The following RIMS1 variants were observed in gnomAD, a reference collection of about 807,000 sequenced individuals.
RIMS1 encodes regulating synaptic membrane exocytosis protein 1.
A neutral mutation model predicts 214.1 loss-of-function variants in RIMS1; 83 were observed. That is an observed-to-expected ratio of 0.39 (90% CI 0.32 to 0.47). RIMS1 has a LOEUF of 0.47. RIMS1 is among the 20% of genes least tolerant of loss of function. The pLI, the probability that RIMS1 is intolerant of heterozygous loss-of-function variation, is 0.99. For synonymous variants in RIMS1, 793 were observed against 786.8 expected (o/e 1.01, Z -0.13); for missense variants, 2,050 against 2,161.8 (o/e 0.95, Z 1.03).
chr6:72,200,171 G>C (rs529732951), intron 6 of RIMS1, among the ~76,000 whole-genome samples: 1 of 152,118 alleles, frequency 6.6e-6, no homozygotes, highest in Non-Finnish European at 1.5e-5. Context: ...TCAAAGAGCA[G>C]TGGGTTCACA....
chr6:72,227,994 G>A (rs1017121485), intron 6 of RIMS1, among the ~76,000 whole-genome samples: 1 of 151,710 alleles, frequency 6.6e-6, no homozygotes, highest in Non-Finnish European at 1.5e-5. Flanking sequence ...ACTTCACTGA[G>A]GTATATTTGA....
chr6:72,169,976 C>T (rs1009015195), intron 4 of RIMS1, among the ~76,000 whole-genome samples: 1 of 152,138 alleles, frequency 6.6e-6, no homozygotes, highest in Non-Finnish European at 1.5e-5. Flanking sequence ...CATTACTCAT[C>T]ATAAAAGTCA....
At chr6:71,974,482 G>A (rs1485146932) in intron 2 of RIMS1, among the ~76,000 whole-genome samples, 2 of 152,020 alleles carry the variant, frequency 1.3e-5, no homozygotes, top group Admixed American at 6.6e-5. Context: ...AATCTTTTTT[G>A]TGTGTTTTTC....
intron 1 of RIMS1, among the ~76,000 whole-genome samples, chr6:71,920,783 T>A (rs1779743506): frequency 1.3e-5 from 2 of 152,210 alleles, no homozygotes; most frequent in African/African-American, 4.8e-5. Context: ...CAGTTCTGCT[T>A]TTGTATTTGG....
At chr6:72,143,761 CTAAACA>C (rs1234332232) in intron 4 of RIMS1, among the ~76,000 whole-genome samples, 1 of 152,190 alleles carries the variant, frequency 6.6e-6, no homozygotes, top group African/African-American at 2.4e-5. Flanking sequence ...CAATTAATTT[CTAAACA>C]TACTTAATAG....
At chr6:72,317,502 A>G (rs889152353) in intron 28 of RIMS1, 1 of 165,614 alleles carries the variant, frequency 6.0e-6, no homozygotes, top group Non-Finnish European at 1.3e-5. Context: ...GGATTTTAAA[A>G]CAATATAGAT....
intron 28 of RIMS1, among the ~76,000 whole-genome samples, chr6:72,321,735 A>T (rs749848318): frequency 4.6e-5 from 7 of 152,050 alleles, no homozygotes; most frequent in Non-Finnish European, 8.8e-5. Flanking sequence ...CTATTTATAT[A>T]CTGCAGGCCT....
intron 28 of RIMS1, among the ~76,000 whole-genome samples, chr6:72,320,579 T>C (rs895449507): frequency 2.0e-5 from 3 of 152,060 alleles, no homozygotes; most frequent in African/African-American, 4.8e-5. Flanking sequence ...ATGCAATGTA[T>C]AGTGAAACTT....
intron 6 of RIMS1, among the ~76,000 whole-genome samples, chr6:72,221,628 A>T (rs1247327448): frequency 6.6e-6 from 1 of 152,066 alleles, no homozygotes; most frequent in Non-Finnish European, 1.5e-5. Flanking sequence ...CCAGTTAAAA[A>T]GAAACTGAGG....
chr6:72,274,611 G>A (rs1265820768), intron 23 of RIMS1, among the ~76,000 whole-genome samples, 179 bp downstream of exon 23: 1 of 152,202 alleles, frequency 6.6e-6, no homozygotes, highest in Non-Finnish European at 1.5e-5. Flanking sequence ...AATGAGGATA[G>A]CATACAAATG....
intron 29 of RIMS1, among the ~76,000 whole-genome samples, chr6:72,373,532 G>A (rs1157942404): frequency 6.6e-6 from 1 of 152,196 alleles, no homozygotes; most frequent in African/African-American, 2.4e-5. Flanking sequence ...TTAGGACAAT[G>A]CCTTGAGAGT....
Position 72,179,654 on chromosome 6 carries a change from C to G in RIMS1, c.551C>G (p.Pro184Arg), listed in dbSNP as rs1282027357. 6.2e-7 allele frequency: 1 copy of G among 1,613,782 alleles called. No individual in the cohort carries two copies. The highest frequency in any genetic ancestry group is 2.2e-5 in the East Asian group (1 of 44,892). ...GGGGCATGGTTCTTTGGAAGTGGCC[C>G]TCAGCAGACAAGTCAGGATGGAACC... is the stretch of plus-strand genomic sequence containing the variant. ...KSGAWFFGSG[P>R]QQTSQDGTLS... is the part of the protein sequence containing the mutation. The change falls in exon 5 of 34, where the codon CCT becomes CGT. Residue 184 changes from proline to arginine, a missense_variant. Pro to Arg is a moderately radical substitution (Grantham distance 103, BLOSUM62 -2). Coordinates refer to ENST00000521978, the MANE Select transcript of RIMS1 (RefSeq NM_014989.7).
At chr6:72,166,300 GT>G (rs148899087) in intron 4 of RIMS1, among the ~76,000 whole-genome samples, 77 of 143,246 alleles carry the variant, frequency 5.4e-4, no homozygotes, top group Middle Eastern at 3.5e-3. Context: ...CTTGGTGTCT[GT>G]TTTTTTTTTT....
At position 72,291,920 on chromosome 6, in the gene RIMS1, C is replaced by G. The variant is rs954207202; in HGVS notation, c.3738-14C>G. The G allele has an allele frequency of 6.5e-7, 1 of 1,544,690 alleles. No individual in the cohort carries two copies. The highest frequency in any genetic ancestry group is 2.4e-5 in the East Asian group (1 of 40,984). On this transcript the variant is annotated splice_polypyrimidine_tract_variant and intron_variant, in intron 25 of 33. Coordinates refer to ENST00000521978, the MANE Select transcript of RIMS1 (RefSeq NM_014989.7). ...ATTTCATTGTTTCATGCCCGCTTTG[C>G]TTTTTGCCTGCAGAATGCACCGACA...
intron 4 of RIMS1, among the ~76,000 whole-genome samples, chr6:72,147,405 A>G (rs1053660649): frequency 2.0e-5 from 3 of 152,206 alleles, no homozygotes; most frequent in African/African-American, 4.8e-5. Flanking sequence ...CTAGGAAAGC[A>G]TGTGGTTTCT....
intron 2 of RIMS1, among the ~76,000 whole-genome samples, chr6:72,026,772 T>A (rs375732796): frequency 2.9e-4 from 44 of 152,282 alleles, no homozygotes; most frequent in Middle Eastern, 3.4e-3. Context: ...GTAGTGGCAC[T>A]TTTTGTATAC....
chr6:71,927,800 A>T (rs1781959839), intron 1 of RIMS1, among the ~76,000 whole-genome samples: 2 of 152,110 alleles, frequency 1.3e-5, no homozygotes, highest in Admixed American at 1.3e-4. Context: ...ATAAAAAATT[A>T]AAGACAAATT....
chr6:72,314,118 T>C (rs993351004), intron 28 of RIMS1, among the ~76,000 whole-genome samples: 5 of 152,136 alleles, frequency 3.3e-5, no homozygotes, highest in African/African-American at 1.2e-4. Flanking sequence ...ACATCCCTAG[T>C]TACGTTATGA....
Position 72,041,633 on chromosome 6 carries a change from A to G in RIMS1, c.246-55316A>G, listed in dbSNP as rs146886682. Among the ~76,000 whole-genome samples, 66 of 151,972 alleles carry G rather than the reference A, an allele frequency of 4.3e-4. No individual in the cohort carries two copies. In the East Asian group the frequency reaches 0.011, roughly 25 times the overall value. ...AAGACGTGGCCTCACTCCCTCTTCC[A>G]TGCAAGTGAGGTCTCCTTCCACACA... On this transcript the variant is annotated intron_variant, in intron 2 of 33. Coordinates refer to ENST00000521978, the MANE Select transcript of RIMS1 (RefSeq NM_014989.7).
Sources: allele counts gnomAD v4.1 joint callset (sites outside exome capture counted in the v4.1 genomes callset), GRCh38; gene constraint gnomAD v4.1.1; transcripts MANE v1.5; gene names NCBI Gene and HGNC (gene_info 2026-07-23, HGNC 2026-07-21).